Variants in ADGRL3 observed in about 807,000 individuals in gnomAD.
ADGRL3 encodes calcium-independent alpha-latrotoxin receptor 3.
A neutral mutation model predicts 153.5 loss-of-function variants in ADGRL3; 62 were observed. That is an observed-to-expected ratio of 0.40 (90% confidence interval 0.33 to 0.50). The LOEUF (loss-of-function observed/expected upper bound fraction) is 0.50. Among genes scored for constraint, ADGRL3 ranks in the 20% least tolerant of loss-of-function variants. ADGRL3 has a pLI of 0.47. For missense variants in ADGRL3, 1,641 were observed against 1,859.4 expected (o/e 0.88, Z 2.16); for synonymous variants, 710 against 672.5 (o/e 1.06, Z -0.86).
At chr4:61,385,426 CA>C (rs1186095084) in intron 2 of ADGRL3, 2 of 152,326 alleles carry the variant, frequency 1.3e-5, no homozygotes, top group African/African-American at 4.8e-5. Flanking sequence ...GTGGAAACAG[CA>C]ATCCTTCAAT....
intron 4 of ADGRL3, among the ~76,000 whole-genome samples, chr4:61,540,858 C>T (rs2098686638): frequency 6.6e-6 from 1 of 152,072 alleles, no homozygotes; most frequent in African/African-American, 2.4e-5. Flanking sequence ...CAAGGGGCAT[C>T]TTTGGGTATA....
intron 9 of ADGRL3, among the ~76,000 whole-genome samples, chr4:61,844,583 T>A (rs1361099936): frequency 7.1e-3 from 659 of 93,472 alleles, no homozygotes; most frequent in Non-Finnish European, 1.0e-2. Context: ...AAAATATATA[T>A]ATATATATAT....
At chr4:61,358,289 G>A (rs1001996079) in intron 1 of ADGRL3, among the ~76,000 whole-genome samples, 1 of 152,054 alleles carries the variant, frequency 6.6e-6, no homozygotes, top group East Asian at 1.9e-4. Context: ...CTTACAGTGG[G>A]TTTCTGCTCA....
chr4:61,742,333 C>T (rs1202270572), intron 8 of ADGRL3, among the ~76,000 whole-genome samples: 1 of 152,016 alleles, frequency 6.6e-6, no homozygotes, highest in Non-Finnish European at 1.5e-5. Flanking sequence ...GGCTGGAGTG[C>T]ACTGGAGCGA....
At chr4:61,581,243 A>C (rs1404144096) in intron 4 of ADGRL3, among the ~76,000 whole-genome samples, 3 of 151,868 alleles carry the variant, frequency 2.0e-5, no homozygotes, top group Admixed American at 6.6e-5. Context: ...ACCTTACATG[A>C]TTATTCATGA....
intron 8 of ADGRL3, among the ~76,000 whole-genome samples, chr4:61,743,128 G>C (rs2096603395): frequency 6.6e-6 from 1 of 151,452 alleles, no homozygotes; most frequent in South Asian, 2.1e-4. Context: ...AGACCATCCT[G>C]GCTAACATGG....
chr4:61,583,416 G>T (rs1482706031), intron 4 of ADGRL3, among the ~76,000 whole-genome samples: 1 of 152,092 alleles, frequency 6.6e-6, no homozygotes, highest in Non-Finnish European at 1.5e-5. Context: ...GAAGGAAACA[G>T]AATGACAAGA....
In ADGRL3 at chr4:61,456,373, ATCTATATATATATATAGATATATC is replaced by A. The variant is rs2097739124; in HGVS notation, c.-173-40746_-173-40723del. ...GAGATATATATAGAGATATAGATAT[ATCTATATATATATATAGATATATC>A]TATATCTATATATATATAGATATAT... On this transcript the variant is annotated intron_variant, in intron 2 of 26. Coordinates refer to ENST00000683033, the MANE Select transcript of ADGRL3 (RefSeq NM_001387552.1). Among the ~76,000 whole-genome samples, 5 of 136,014 alleles carry A rather than the reference ATCTATATATATATATAGATATATC, an allele frequency of 3.7e-5. No individual in the cohort carries two copies. The Admixed American group carries it at 3.8e-4, about 10-fold the overall frequency. The allele number at this position is 136,014 out of a possible 152,430, so 89.2% of individuals were successfully genotyped here.
At position 61,999,695 on chromosome 4, in the gene ADGRL3, G is replaced by A. The variant is rs147581301; in HGVS notation, c.3395+1430G>A. ...TTCGGTGCCTGACAGTTCCTGGCCC[G>A]TAGTAGACCCTCAATGAATGGTTAC... On this transcript the variant is annotated intron_variant, in intron 21 of 26. Coordinates refer to ENST00000683033, the MANE Select transcript of ADGRL3 (RefSeq NM_001387552.1). Among the ~76,000 whole-genome samples, 78 of 152,138 alleles carry A rather than the reference G, an allele frequency of 5.1e-4. No individual in the cohort carries two copies. In the East Asian group the frequency reaches 0.015, roughly 28 times the overall value.
At chr4:61,505,769 A>G (rs192112902) in intron 3 of ADGRL3, among the ~76,000 whole-genome samples, 2 of 152,090 alleles carry the variant, frequency 1.3e-5, no homozygotes, top group East Asian at 1.9e-4. Flanking sequence ...GCATCTCTCT[A>G]TCAAATCCAC....
rs1202684729 is a variant in ADGRL3 at position 62,077,294 on chromosome 4, C to CAA, written c.*6389_*6390dup. The CAA allele has an allele frequency of 6.6e-6, 1 of 151,852 alleles. No individual in the cohort carries two copies. Among genetic ancestry groups the CAA allele is most frequent in the Non-Finnish European group, 1.5e-5 (1 of 67,856 alleles). 9.4% of individuals were successfully genotyped at this position (151,852 alleles called of 1,614,324 possible). On this transcript the variant is annotated 3_prime_UTR_variant, in exon 27 of 27. Coordinates refer to ENST00000683033, the MANE Select transcript of ADGRL3 (RefSeq NM_001387552.1). Reference sequence around the variant, plus strand: ...ACTCTTTGATCTACAGACAAGGTTACAAAAGATTTACAATTAGTCCAAAAT... The same window carrying CAA: ...ACTCTTTGATCTACAGACAAGGTTACAAAAAAGATTTACAATTAGTCCAAAAT...
intron 1 of ADGRL3, among the ~76,000 whole-genome samples, chr4:61,263,580 C>G (rs1218953215): frequency 1.3e-5 from 2 of 151,864 alleles, no homozygotes; most frequent in Non-Finnish European, 2.9e-5. Flanking sequence ...AATAGAATGT[C>G]TCTGTTTTCC....
chr4:61,783,160 C>T (rs1465877048), intron 8 of ADGRL3, among the ~76,000 whole-genome samples: 4 of 152,170 alleles, frequency 2.6e-5, no homozygotes, highest in African/African-American at 7.2e-5. Flanking sequence ...TGCCTGAGGG[C>T]CAAACAGAGG....
At chr4:61,900,737 G>T (rs1237752978) in intron 11 of ADGRL3, among the ~76,000 whole-genome samples, 2 of 151,558 alleles carry the variant, frequency 1.3e-5, no homozygotes, top group African/African-American at 4.9e-5. Context: ...ATAGGGAGAA[G>T]GATAAATGAA....
At chr4:61,745,874 G>A (rs1187918312) in intron 8 of ADGRL3, among the ~76,000 whole-genome samples, 2 of 152,138 alleles carry the variant, frequency 1.3e-5, no homozygotes, top group African/African-American at 4.8e-5. Context: ...AACTTTAAAT[G>A]TAAATGGACT....
At chr4:61,465,302 T>C (rs2097865431) in intron 2 of ADGRL3, among the ~76,000 whole-genome samples, 1 of 152,090 alleles carries the variant, frequency 6.6e-6, no homozygotes, top group Non-Finnish European at 1.5e-5. Flanking sequence ...CATATTAAAG[T>C]TAGTATAGCA....
intron 8 of ADGRL3, among the ~76,000 whole-genome samples, chr4:61,797,745 A>G (rs1016366245): frequency 6.7e-4 from 1 of 1,492 alleles, no homozygotes; most frequent in Non-Finnish European, 0.042. Context: ...TCTTTTCTAG[A>G]TTGTTTCACT....
intron 2 of ADGRL3, among the ~76,000 whole-genome samples, chr4:61,491,801 A>C (rs1286976854): frequency 2.0e-5 from 3 of 152,164 alleles, no homozygotes; most frequent in African/African-American, 4.8e-5. Context: ...ATACAATTTT[A>C]TGCCACGTTA....
intron 1 of ADGRL3, among the ~76,000 whole-genome samples, chr4:61,284,838 A>G (rs1301942964): frequency 6.6e-6 from 1 of 151,736 alleles, no homozygotes; most frequent in Non-Finnish European, 1.5e-5. Context: ...ATAAATCAAC[A>G]AAGATATTTT....
Sources: allele counts gnomAD v4.1 joint callset (sites outside exome capture counted in the v4.1 genomes callset), GRCh38; gene constraint gnomAD v4.1.1; transcripts MANE v1.5; gene names NCBI Gene and HGNC (gene_info 2026-07-23, HGNC 2026-07-21).